The following ZFR2 variants were observed in gnomAD, a reference collection of about 807,000 sequenced individuals.
ZFR2 encodes zinc finger RNA-binding protein 2.
Under a neutral mutation model 105.7 loss-of-function variants are expected in ZFR2, and 104 were observed. The ratio of observed to expected loss-of-function variants is 0.98; its 90% CI spans 0.84 to 1.16. The LOEUF is 1.16. Among genes scored for constraint, ZFR2 ranks in the 50% most tolerant of loss-of-function variants. ZFR2 has a pLI of 0.00. For missense variants in ZFR2, 1,425 were observed against 1,355.5 expected, an observed-to-expected ratio of 1.05 and a Z score of -0.80; for synonymous variants, 634 against 597.7, an observed-to-expected ratio of 1.06 and a Z score of -0.89.
In ZFR2 at chr19:3,833,770, G is replaced by T. The variant is rs767355842; in HGVS notation, c.273C>A (p.Tyr91Ter). 3.2e-6 allele frequency: 5 copies of T among 1,574,728 alleles called. No homozygotes were observed. Among genetic ancestry groups the T allele is most frequent in the Admixed American group, 3.7e-5 (2 of 54,220 alleles). Residue 91 changes from tyrosine to a stop codon, truncating the protein, a stop_gained, in exon 3 of 19, where the codon TAC becomes TAA. Coordinates refer to ENST00000262961, the MANE Select transcript of ZFR2 (RefSeq NM_015174.2). LOFTEE classifies it high-confidence loss of function. The stretch of plus-strand genomic sequence containing the variant: ...TGGCAGCTGCTGACTGTCCGTAGCT[G>T]TAACTGTCCTATGTGGGGGTTTCGG... ...ATTMATYQDS[Y>*]SYGQSAAARS...
At chr19:3,816,870 G>A in intron 12 of ZFR2, 25 bp from the exon 13 acceptor site, 1 of 1,532,984 alleles carries the variant, frequency 6.5e-7, no homozygotes, top group Middle Eastern at 1.7e-4. Context: ...CCACAGACGT[G>A]CGCCATCAGC....
chr19:3,818,231 C>T (rs144517445), intron 12 of ZFR2, among the ~76,000 whole-genome samples: 233 of 152,308 alleles, frequency 1.5e-3, no homozygotes, highest in African/African-American at 5.2e-3. Flanking sequence ...TTTGGGAGGC[C>T]GAGGTGGGAG....
At position 3,834,428 on chromosome 19, in the gene ZFR2, C is replaced by T. The variant is rs2038055287; in HGVS notation, c.264+345G>A. 6.6e-6 allele frequency among the ~76,000 whole-genome samples: 1 copy of T among 152,070 alleles called. No individual in the cohort carries two copies. The highest frequency in any genetic ancestry group is 6.6e-5 in the Admixed American group (1 of 15,264). On this transcript the variant is annotated intron_variant, in intron 2 of 18. Transcript: ENST00000262961. This position sits in a 1 kb window ranked among gnomAD's most constrained non-coding sequence, Gnocchi z 5.3. Reference sequence around the variant, plus strand: ...TCTCTCTGGGCCCAGGTGGCCGAGGCCATCTGCCCTGACCAGGGAGGGGTC... The same window carrying T: ...TCTCTCTGGGCCCAGGTGGCCGAGGTCATCTGCCCTGACCAGGGAGGGGTC...
At chr19:3,829,067 T>C (rs2145156213) in intron 5 of ZFR2, among the ~76,000 whole-genome samples, 1 of 151,698 alleles carries the variant, frequency 6.6e-6, no homozygotes, top group South Asian at 2.1e-4. Context: ...GTTCACGCCA[T>C]TCTCCTGCCT....
In ZFR2 at chr19:3,804,827, T is replaced by C; in HGVS notation, c.*1122A>G. The C allele has an allele frequency of 6.5e-6, 1 of 153,110 alleles. No individual in the cohort carries two copies. The highest frequency in any genetic ancestry group is 1.5e-5 in the Non-Finnish European group (1 of 68,526). 9.5% of individuals were successfully genotyped at this position (153,110 alleles called of 1,614,324 possible). On this transcript the variant is annotated 3_prime_UTR_variant, in exon 19 of 19. Transcript: ENST00000262961. Reference sequence around the variant, plus strand: ...CCCAGAACAGGGCCTGCCCACGTGATTTCAAATCCATGCCGCAGCCGCATC... The same window carrying C: ...CCCAGAACAGGGCCTGCCCACGTGACTTCAAATCCATGCCGCAGCCGCATC...
rs2038051381 is a variant in ZFR2 at position 3,834,176 on chromosome 19, A to T, written c.265-398T>A. On this transcript the variant is annotated intron_variant, in intron 2 of 18. Transcript: ENST00000262961. This position sits in a 1 kb window ranked among gnomAD's most constrained non-coding sequence, Gnocchi z 5.3. The stretch of plus-strand genomic sequence containing the variant: ...GACAGGGTGGCCTCTGATGCCGTTG[A>T]CCGACACAATCTGGGGACGAGGTGC... Among the ~76,000 whole-genome samples the T allele has an allele frequency of 6.6e-6, 1 of 152,082 alleles. No homozygotes were observed.
In ZFR2 at chr19:3,809,042, C is replaced by T. The variant is rs965999452; in HGVS notation, c.2434-59G>A. 9.4e-5 allele frequency: 130 copies of T among 1,379,350 alleles called. 1 individual carries two copies. Among genetic ancestry groups the T allele is most frequent in the South Asian group, 6.5e-4 (46 of 70,246 alleles). 85.4% of individuals were successfully genotyped at this position (1,379,350 alleles called of 1,614,324 possible). A position where few individuals can be genotyped will look rare whatever the true frequency, so the allele number is the denominator to read the frequency against. On this transcript the variant is annotated intron_variant, in intron 16 of 18. Coordinates refer to ENST00000262961, the MANE Select transcript of ZFR2 (RefSeq NM_015174.2). ...GGGCGCGCGGCAGCCCCTGCCTGCC[C>T]GGGAGGTCCTGGGGTCCCTGGGACA...
rs61742244 is a variant in ZFR2, at chr19:3,827,579, G to T, written c.927C>A (p.Asn309Lys). 2.5e-6 allele frequency: 4 copies of T among 1,573,346 alleles called. No individual in the cohort carries two copies. The highest frequency in any genetic ancestry group is 3.4e-6 in the Non-Finnish European group (4 of 1,159,818). The change falls in exon 6 of 19, where the codon AAC becomes AAA. Residue 309 changes from asparagine to lysine, a missense_variant. By Grantham distance (94) the Asn-to-Lys change is moderately conservative. Transcript: ENST00000262961. ...EAAQKTGVQP[N>K]GSPRGVQAQL... is the part of the protein sequence containing the mutation. The stretch of plus-strand genomic sequence containing the variant: ...GCGCCTGCACCCCGCGCGGGCTCCC[G>T]TTGGGCTGCACGCCTGTCTTCTGGG...
rs765715558 is a variant in ZFR2 at position 3,813,930 on chromosome 19, G to T, written c.2132C>A (p.Ser711Tyr). The T allele has an allele frequency of 6.2e-7, 1 of 1,613,826 alleles. No individual in the cohort carries two copies. The highest frequency in any genetic ancestry group is 8.5e-7 in the Non-Finnish European group (1 of 1,179,892). ...GACAATGTTGGCTTCAGGGTCGGAG[G>T]AGACCTCATACTCATCCTCGGTCAC... ...QMVTEDEYEVSSDPEANIVIS... is the reference protein window; with the variant it reads ...QMVTEDEYEVYSDPEANIVIS... The change falls in exon 14 of 19, where the codon TCC (serine) becomes TAC (tyrosine). Residue 711 changes from serine to tyrosine, a missense_variant. By Grantham distance (144) the Ser-to-Tyr change is moderately radical (BLOSUM62 -2). Coordinates refer to ENST00000262961, the MANE Select transcript of ZFR2 (RefSeq NM_015174.2). This position sits in a 1 kb window ranked among gnomAD's most constrained non-coding sequence, Gnocchi z 4.4.
At chr19:3,811,440 T>C in intron 14 of ZFR2, 74 bp from the exon 15 acceptor site, 3 of 1,394,038 alleles carry the variant, frequency 2.2e-6, no homozygotes, top group Non-Finnish European at 1.9e-6. Context: ...GGTGAGGGGC[T>C]CAGTTTGGGC....
intron 1 of ZFR2, among the ~76,000 whole-genome samples, chr19:3,861,214 T>TA (rs1396591000): frequency 3.3e-5 from 5 of 152,098 alleles, no homozygotes. Context: ...AAATGGAACT[T>TA]ACCTTAGGGG....
chr19:3,857,274 T>C (rs2038315996), intron 1 of ZFR2, among the ~76,000 whole-genome samples: 1 of 151,838 alleles, frequency 6.6e-6, no homozygotes, highest in Non-Finnish European at 1.5e-5. Context: ...TTTTAAATGC[T>C]GGCAACTAAT....
intron 1 of ZFR2, among the ~76,000 whole-genome samples, chr19:3,863,816 T>G (rs2038400000): frequency 1.3e-5 from 2 of 152,248 alleles, no homozygotes; most frequent in South Asian, 4.2e-4. Flanking sequence ...CTGGGCCCAT[T>G]CCTAGCCGGG....
rs2038337141 is a variant in ZFR2 at position 3,858,792 on chromosome 19, T to C, written c.53+10173A>G. On this transcript the variant is annotated intron_variant, in intron 1 of 18. Coordinates refer to ENST00000262961, the MANE Select transcript of ZFR2 (RefSeq NM_015174.2). This position sits in a 1 kb window ranked among gnomAD's most constrained non-coding sequence, Gnocchi z 4.3. ...GAGATTGCACCACTGTACTCCAGCC[T>C]GGGCGACAGAGTGAGACTCCGTCTC... Among the ~76,000 whole-genome samples the C allele has an allele frequency of 6.6e-6, 1 of 152,220 alleles. No individual in the cohort carries two copies. The highest frequency in any genetic ancestry group is 1.5e-5 in the Non-Finnish European group (1 of 68,044).
intron 1 of ZFR2, among the ~76,000 whole-genome samples, chr19:3,863,154 G>C (rs567579738): frequency 7.2e-5 from 11 of 152,348 alleles, no homozygotes; most frequent in Admixed American, 5.2e-4. Context: ...GAGGGCGAGC[G>C]TGGCGTCTGG....
chr19:3,839,353 T>G (rs2038111006), intron 1 of ZFR2, among the ~76,000 whole-genome samples: 1 of 151,478 alleles, frequency 6.6e-6, no homozygotes, highest in Admixed American at 6.6e-5. Context: ...GCCAACATGG[T>G]GAAACCCCGT....
intron 3 of ZFR2, among the ~76,000 whole-genome samples, chr19:3,832,315 ATCAT>A (rs1399814880): frequency 1.3e-5 from 2 of 151,374 alleles, no homozygotes; most frequent in Non-Finnish European, 2.9e-5. Context: ...TGTTTTTATT[ATCAT>A]TATTATTATT....
chr19:3,867,811 G>C (rs1257381361), intron 1 of ZFR2, among the ~76,000 whole-genome samples: 1 of 151,842 alleles, frequency 6.6e-6, no homozygotes, highest in African/African-American at 2.4e-5. Context: ...CCCTCCCTGG[G>C]GTAACCTCCC....
chr19:3,814,973 T>G (rs192340459), intron 13 of ZFR2, among the ~76,000 whole-genome samples: 38 of 151,952 alleles, frequency 2.5e-4, no homozygotes, highest in African/African-American at 7.5e-4. Context: ...GCACTGCCCA[T>G]CCACTGGGCA....
Sources: allele counts gnomAD v4.1 joint callset (sites outside exome capture counted in the v4.1 genomes callset), GRCh38; gene constraint gnomAD v4.1.1; non-coding constraint Gnocchi (gnomAD v3.1); transcripts MANE v1.5; gene names NCBI Gene and HGNC (gene_info 2026-07-23, HGNC 2026-07-21).